RNF150: variants seen among roughly 807,000 people sequenced by gnomAD.
The protein encoded by RNF150 is ring finger protein 150.
Under a neutral mutation model 39.3 loss-of-function variants are expected in RNF150, and 24 were observed. The observed-to-expected ratio is 0.61, with a 90% CI of 0.44 to 0.86. RNF150 has a LOEUF of 0.86. Among genes scored for constraint, RNF150 ranks in the 40% least tolerant of loss-of-function variants. The pLI, the probability that RNF150 is intolerant of heterozygous loss-of-function variation, is 0.00. For missense variants in RNF150, 502 were observed against 587.8 expected (o/e 0.85, Z 1.51); for synonymous variants, 255 against 227.3 (o/e 1.12, Z -1.10).
At chr4:141,057,904 C>T (rs1260624423) in intron 1 of RNF150, among the ~76,000 whole-genome samples, 1 of 152,120 alleles carries the variant, frequency 6.6e-6, no homozygotes, top group Non-Finnish European at 1.5e-5. Context: ...GACATAATAA[C>T]TCAAAGAGGT....
At chr4:141,209,666 G>A (rs567738970) in intron 1 of RNF150, among the ~76,000 whole-genome samples, 2 of 152,030 alleles carry the variant, frequency 1.3e-5, no homozygotes, top group South Asian at 4.2e-4. Flanking sequence ...AATTTATTAA[G>A]AGTTCATAAT....
intron 5 of RNF150, among the ~76,000 whole-genome samples, chr4:140,911,987 A>G (rs1578956220): frequency 6.6e-6 from 1 of 152,344 alleles, no homozygotes; most frequent in Middle Eastern, 3.4e-3. Context: ...TCTAAATTAA[A>G]TTCTTAGAAT....
chr4:141,190,547 G>GA (rs1422344395), intron 1 of RNF150, among the ~76,000 whole-genome samples: 19 of 152,286 alleles, frequency 1.2e-4, no homozygotes, highest in Non-Finnish European at 2.6e-4. Flanking sequence ...AATGAGCTTG[G>GA]AAAAGGTCCT....
At chr4:141,018,467 C>T (rs570304701) in intron 1 of RNF150, among the ~76,000 whole-genome samples, 1 of 152,274 alleles carries the variant, frequency 6.6e-6, no homozygotes, top group African/African-American at 2.4e-5. Context: ...GCCCAAATGC[C>T]TCACTGTGGC....
intron 1 of RNF150, among the ~76,000 whole-genome samples, chr4:141,158,158 G>A (rs1727444291): frequency 6.6e-6 from 1 of 152,176 alleles, no homozygotes; most frequent in African/African-American, 2.4e-5. Flanking sequence ...GGGTGTGGTG[G>A]CACATGCCTG....
chr4:141,067,934 G>A (rs1247132079), intron 1 of RNF150, among the ~76,000 whole-genome samples: 1 of 150,072 alleles, frequency 6.7e-6, no homozygotes, highest in Non-Finnish European at 1.5e-5. Flanking sequence ...TTCTACCACT[G>A]GAACAGAGTC....
At chr4:140,975,362 T>C (rs1418646533) in intron 1 of RNF150, among the ~76,000 whole-genome samples, 1 of 152,150 alleles carries the variant, frequency 6.6e-6, no homozygotes, top group South Asian at 2.1e-4. Context: ...GGAGGTGAGT[T>C]TGTGCAGATT....
At chr4:140,936,972 G>A (rs1661093179) in intron 4 of RNF150, among the ~76,000 whole-genome samples, 1 of 152,078 alleles carries the variant, frequency 6.6e-6, no homozygotes, top group Admixed American at 6.6e-5. Context: ...GAGAGTGCTA[G>A]CATAAACACT....
At chr4:141,033,271 G>T (rs1036742022) in intron 1 of RNF150, among the ~76,000 whole-genome samples, 5 of 152,118 alleles carry the variant, frequency 3.3e-5, no homozygotes, top group African/African-American at 1.2e-4. Context: ...TCCATTTCAA[G>T]AAACCACTTT....
rs529338006 is a variant in RNF150, at chr4:141,123,108, C to T, written c.484+9217G>A. Among the ~76,000 whole-genome samples, 20 of 152,226 alleles carry T rather than the reference C, an allele frequency of 1.3e-4. 1 individual carries two copies. On this transcript the variant is annotated intron_variant, in intron 1 of 6. Coordinates refer to ENST00000515673, the MANE Select transcript of RNF150 (RefSeq NM_020724.2). ...CTTCCCCCACTTTATGAGTCAAATG[C>T]TAAGAAAAAATATTTAATGGCATAG...
At chr4:141,178,191 T>C (rs1157252830) in intron 1 of RNF150, among the ~76,000 whole-genome samples, 1 of 152,130 alleles carries the variant, frequency 6.6e-6, no homozygotes, top group Non-Finnish European at 1.5e-5. Flanking sequence ...GACTGAACCT[T>C]AGACAGAATG....
At chr4:141,166,106 G>C (rs1433004859) in intron 1 of RNF150, among the ~76,000 whole-genome samples, 1 of 152,094 alleles carries the variant, frequency 6.6e-6, no homozygotes, top group Non-Finnish European at 1.5e-5. Context: ...AATAAAAAAT[G>C]ATAAAGGAGA....
intron 1 of RNF150, among the ~76,000 whole-genome samples, chr4:141,099,431 G>A (rs1738924685): frequency 6.6e-6 from 1 of 152,134 alleles, no homozygotes; most frequent in Admixed American, 6.5e-5. Flanking sequence ...AGAAAGAGAA[G>A]AGACAGGGAG....
chr4:140,993,225 A>G (rs983883609), intron 1 of RNF150, among the ~76,000 whole-genome samples: 1 of 152,174 alleles, frequency 6.6e-6, no homozygotes, highest in African/African-American at 2.4e-5. Flanking sequence ...ATTCTAAGGG[A>G]GAACCTATGT....
chr4:140,926,096 T>C (rs762886495), intron 4 of RNF150, 23 bp from the exon 5 acceptor site: 1 of 1,550,708 alleles, frequency 6.4e-7, no homozygotes, highest in Non-Finnish European at 8.9e-7. Context: ...CCATACATCT[T>C]AGAGCGGCGG....
chr4:140,898,665 T>C (rs1276461063), intron 6 of RNF150, among the ~76,000 whole-genome samples: 1 of 152,244 alleles, frequency 6.6e-6, no homozygotes, highest in Non-Finnish European at 1.5e-5. Context: ...TGCAAGTATT[T>C]ATGTATCCAA....
At chr4:141,181,149 A>G (rs1727902784) in intron 1 of RNF150, among the ~76,000 whole-genome samples, 1 of 152,142 alleles carries the variant, frequency 6.6e-6, no homozygotes, top group South Asian at 2.1e-4. Flanking sequence ...CACATAATCT[A>G]TTACTGACTT....
intron 1 of RNF150, among the ~76,000 whole-genome samples, chr4:141,096,063 G>A (rs889892280): frequency 2.6e-5 from 4 of 152,072 alleles, no homozygotes; most frequent in Non-Finnish European, 5.9e-5. Context: ...TACCTGTGCA[G>A]GAGAGGATTA....
At chr4:140,952,913 G>T (rs1334855866) in intron 2 of RNF150, among the ~76,000 whole-genome samples, 1 of 152,150 alleles carries the variant, frequency 6.6e-6, no homozygotes, top group Admixed American at 6.5e-5. Flanking sequence ...AATCATGGAA[G>T]ATTACTCACA....
Sources: gnomAD v4.1 joint callset for allele counts (sites outside exome capture counted in the v4.1 genomes callset) on GRCh38, gnomAD v4.1.1 for gene constraint, MANE v1.5 for transcripts, NCBI Gene and HGNC (gene_info 2026-07-23, HGNC 2026-07-21) for gene names.